LMLN: variants seen among roughly 807,000 people sequenced by gnomAD.
The protein encoded by LMLN is leishmanolysin like peptidase.
A neutral mutation model predicts 92.3 loss-of-function variants in LMLN; 70 were observed. That is an observed-to-expected ratio of 0.76 (90% confidence interval 0.63 to 0.92). LMLN has a LOEUF of 0.92. LMLN is among the 40% of genes least tolerant of loss of function. The pLI is 0.00. For missense variants in LMLN, 691 were observed against 814.6 expected, an observed-to-expected ratio of 0.85 and a Z score of 1.85; for synonymous variants, 308 against 296.2, an observed-to-expected ratio of 1.04 and a Z score of -0.41.
At chr3:198,041,519 A>C (rs1283129111) in exon 16 of LMLN, 1 of 152,230 alleles carries the variant, frequency 6.6e-6, no homozygotes, top group Non-Finnish European at 1.5e-5. Flanking sequence ...AAGATACCTC[A>C]TTAGGTATCT....
chr3:198,029,301 G>A (rs1723015898), intron 14 of LMLN, among the ~76,000 whole-genome samples: 1 of 152,038 alleles, frequency 6.6e-6, no homozygotes, highest in African/African-American at 2.4e-5. Context: ...CCATGACCAC[G>A]TTGATCCTTT....
chr3:198,041,978 A>G (rs564391090), exon 16 of LMLN: 59 of 152,304 alleles, frequency 3.9e-4, no homozygotes, highest in African/African-American at 1.4e-3. Context: ...AAAATATTAT[A>G]GATGACATTT....
chr3:197,984,993 C>T (rs1721663895), intron 7 of LMLN, among the ~76,000 whole-genome samples: 1 of 152,068 alleles, frequency 6.6e-6, no homozygotes, highest in African/African-American at 2.4e-5. Flanking sequence ...GCTGCCGCTT[C>T]TGATAACCAT....
intron 10 of LMLN, among the ~76,000 whole-genome samples, chr3:197,996,997 TTTC>T (rs772863861): frequency 4.7e-5 from 7 of 149,182 alleles, no homozygotes; most frequent in African/African-American, 7.7e-5. Context: ...TTTTGTTTTT[TTTC>T]TTTTCTTTTC....
In LMLN at chr3:198,019,152, TA is replaced by T; in HGVS notation, c.1233-100del. The T allele has an allele frequency of 8.5e-7, 1 of 1,182,226 alleles. No individual in the cohort carries two copies. Among genetic ancestry groups the T allele is most frequent in the Non-Finnish European group, 1.2e-6 (1 of 845,178 alleles). The allele number at this position is 1,182,226 out of a possible 1,614,324, so 73.2% of individuals were successfully genotyped here. On this transcript the variant is annotated intron_variant, in intron 11 of 15. Coordinates refer to ENST00000330198, the Ensembl canonical transcript of LMLN. The surrounding 1 kb of genome is among the most constrained non-coding windows in gnomAD (Gnocchi z 5.5). ...CCCATTTGTTAATTATGAAGGTTTG[TA>T]TTTTTAGGCCAGGATCTGGAATTCC... is the stretch of plus-strand genomic sequence containing the variant.
intron 1 of LMLN, among the ~76,000 whole-genome samples, chr3:197,972,668 G>A (rs1212094072): frequency 2.0e-5 from 3 of 150,402 alleles, no homozygotes; most frequent in Non-Finnish European, 4.4e-5. Context: ...ATAATATATT[G>A]TAAAGTCTGG....
intron 11 of LMLN, 97 bp downstream of exon 11, chr3:197,999,439 C>A: frequency 1.3e-6 from 1 of 767,828 alleles, no homozygotes; most frequent in South Asian, 1.5e-5. Context: ...TATGCTGAAG[C>A]AAAATATACT....
intron 11 of LMLN, among the ~76,000 whole-genome samples, chr3:198,006,019 A>G (rs1722284040): frequency 6.6e-6 from 1 of 152,122 alleles, no homozygotes. Flanking sequence ...CAGGAGGCTG[A>G]GGCAAGGAAA....
intron 1 of LMLN, among the ~76,000 whole-genome samples, chr3:197,964,445 G>A (rs562974448): frequency 6.7e-6 from 1 of 149,372 alleles, no homozygotes; most frequent in South Asian, 2.1e-4. Context: ...CTGTTGCCCA[G>A]GCTGGAGTGC....
intron 1 of LMLN, among the ~76,000 whole-genome samples, chr3:197,963,802 C>A (rs1720972880): frequency 6.6e-6 from 1 of 152,170 alleles, no homozygotes; most frequent in African/African-American, 2.4e-5. Context: ...CTGGTGAGGA[C>A]AGGCAGTTCC....
chr3:197,988,574 G>A (rs1012473116), intron 8 of LMLN, among the ~76,000 whole-genome samples: 1 of 143,302 alleles, frequency 7.0e-6, no homozygotes, highest in South Asian at 2.2e-4. Context: ...GCTTACTGCA[G>A]TGTTGATCTT....
chr3:198,028,873 C>T (rs1434424587), intron 14 of LMLN, among the ~76,000 whole-genome samples: 1 of 152,214 alleles, frequency 6.6e-6, no homozygotes, highest in Non-Finnish European at 1.5e-5. Flanking sequence ...TCATTTTTTA[C>T]ACCAATAGTA....
At chr3:198,008,956 C>A (rs1429424955) in intron 11 of LMLN, among the ~76,000 whole-genome samples, 1 of 152,014 alleles carries the variant, frequency 6.6e-6, no homozygotes, top group Non-Finnish European at 1.5e-5. Flanking sequence ...AGCTATCTTT[C>A]TGTTACTGAT....
At chr3:198,034,684 T>C (rs1339090102) in intron 14 of LMLN, among the ~76,000 whole-genome samples, 1 of 152,218 alleles carries the variant, frequency 6.6e-6, no homozygotes, top group Non-Finnish European at 1.5e-5. Context: ...TAATGTGTTT[T>C]CTTTTGCTTT....
At chr3:198,023,369 T>C (rs1722833661) in intron 13 of LMLN, among the ~76,000 whole-genome samples, 1 of 152,028 alleles carries the variant, frequency 6.6e-6, no homozygotes, top group Non-Finnish European at 1.5e-5. Context: ...TTAAAAATTT[T>C]TGTAGAGATG....
chr3:197,985,183 A>G (rs1721669530), intron 7 of LMLN, among the ~76,000 whole-genome samples: 1 of 152,118 alleles, frequency 6.6e-6, no homozygotes, highest in Non-Finnish European at 1.5e-5. Context: ...CACGTATCTC[A>G]GTGTCCAGCT....
chr3:197,982,634 AGATGTGTAT>A (rs1440846208), intron 6 of LMLN, among the ~76,000 whole-genome samples: 1 of 152,244 alleles, frequency 6.6e-6, no homozygotes, highest in Non-Finnish European at 1.5e-5. Flanking sequence ...AACAAAGTAT[AGATGTGTAT>A]CTGCCTCATG....
intron 12 of LMLN, among the ~76,000 whole-genome samples, chr3:198,020,766 G>GTTTTTTT (rs1260852398): frequency 2.0e-4 from 5 of 25,628 alleles, no homozygotes; most frequent in South Asian, 2.2e-3. Flanking sequence ...GCTAATTTTT[G>GTTTTTTT]TATTTTTTTT....
chr3:197,966,951 A>C (rs1721076933), intron 1 of LMLN, among the ~76,000 whole-genome samples: 1 of 151,828 alleles, frequency 6.6e-6, no homozygotes, highest in East Asian at 1.9e-4. Flanking sequence ...GAGCCACCAC[A>C]CCTGGTTCAT....
Sources: gnomAD v4.1 joint callset for allele counts (sites outside exome capture counted in the v4.1 genomes callset) on GRCh38, gnomAD v4.1.1 for gene constraint, Gnocchi (gnomAD v3.1) non-coding constraint, MANE v1.5 for transcripts, NCBI Gene and HGNC (gene_info 2026-07-23, HGNC 2026-07-21) for gene names.